PHACTR3: variants seen among roughly 807,000 people sequenced by gnomAD.
PHACTR3 encodes protein phosphatase 1, regulatory subunit 123.
Under a neutral mutation model 66.8 loss-of-function variants are expected in PHACTR3, and 16 were observed. The ratio of observed to expected loss-of-function variants is 0.24; its 90% CI spans 0.16 to 0.36. The LOEUF is 0.36. Among genes scored for constraint, PHACTR3 ranks in the 10% least tolerant of loss-of-function variants. The pLI, the probability that PHACTR3 is intolerant of heterozygous loss-of-function variation, is 1.00. For missense variants in PHACTR3, 647 were observed against 719.9 expected (o/e 0.90, Z 1.16); for synonymous variants, 323 against 292.1 (o/e 1.11, Z -1.08).
chr20:59,591,659 G>A (rs1223298451), intron 1 of PHACTR3, among the ~76,000 whole-genome samples: 3 of 152,082 alleles, frequency 2.0e-5, no homozygotes, highest in Admixed American at 2.0e-4. Flanking sequence ...CTCACCCGTT[G>A]AGACCCATTG....
Position 59,847,218 on chromosome 20 carries a change from G to T in PHACTR3, c.*88G>T. 1 of 969,410 alleles carries T rather than the reference G, an allele frequency of 1.0e-6. No individual in the cohort carries two copies. Among genetic ancestry groups the T allele is most frequent in the South Asian group, 1.5e-5 (1 of 68,742 alleles). 60.1% of individuals were successfully genotyped at this position (969,410 alleles called of 1,614,324 possible). On this transcript the variant is annotated 3_prime_UTR_variant, in exon 13 of 13. Transcript: ENST00000371015. The stretch of plus-strand genomic sequence containing the variant: ...GGAACTTTCCTGAAGTTCAGCTCAA[G>T]ACTACCCTACCTGCTGTGTTTGTGA...
chr20:59,604,826 C>A lies in PHACTR3; in HGVS notation c.-189C>A. The A allele has an allele frequency of 1.6e-6, 2 of 1,212,294 alleles. No homozygotes were observed. Among genetic ancestry groups the A allele is most frequent in the Non-Finnish European group, 2.0e-6 (2 of 976,798 alleles). 75.1% of individuals were successfully genotyped at this position (1,212,294 alleles called of 1,614,324 possible). A position where few individuals can be genotyped will look rare whatever the true frequency, so the allele number is the denominator to read the frequency against. ...GCAGCCGGCGAGGCTATTGTCTCCC[C>A]GCCCTGAAGCCAGCCCCGGCGTCTT... On this transcript the variant is annotated 5_prime_UTR_variant, in exon 1 of 13. Transcript: ENST00000371015.
chr20:59,708,403 GA>G (rs35774941), intron 1 of PHACTR3, among the ~76,000 whole-genome samples: 1 of 152,210 alleles, frequency 6.6e-6, no homozygotes, highest in African/African-American at 2.4e-5. Context: ...ACAGAGGCAG[GA>G]AGGGGGAACA....
At chr20:59,807,844 C>T (rs566600849) in intron 8 of PHACTR3, among the ~76,000 whole-genome samples, 1 of 152,292 alleles carries the variant, frequency 6.6e-6, no homozygotes, top group African/African-American at 2.4e-5. Flanking sequence ...TGCATATATA[C>T]ACATACAGGT....
chr20:59,689,520 G>T (rs1685935948), intron 1 of PHACTR3, among the ~76,000 whole-genome samples: 1 of 152,210 alleles, frequency 6.6e-6, no homozygotes, highest in Admixed American at 6.5e-5. Flanking sequence ...CCGGGTTACA[G>T]GTGCCATCCA....
chr20:59,606,526 G>C (rs2033676523), intron 1 of PHACTR3, among the ~76,000 whole-genome samples: 1 of 152,032 alleles, frequency 6.6e-6, no homozygotes, highest in Non-Finnish European at 1.5e-5. Flanking sequence ...ACTAGGAATG[G>C]GGGATTCAGC....
At chr20:59,716,042 C>T (rs970760325) in intron 1 of PHACTR3, among the ~76,000 whole-genome samples, 1 of 152,084 alleles carries the variant, frequency 6.6e-6, no homozygotes, top group Admixed American at 6.5e-5. Flanking sequence ...ATGCACCTGG[C>T]TGTGAGCTCT....
At chr20:59,682,398 C>G (rs1165959858) in intron 1 of PHACTR3, among the ~76,000 whole-genome samples, 1 of 152,140 alleles carries the variant, frequency 6.6e-6, no homozygotes, top group Non-Finnish European at 1.5e-5. Flanking sequence ...TTAATGGAAC[C>G]AAAGTCTGCG....
At chr20:59,846,373 CAA>C (rs1440322150) in intron 12 of PHACTR3, among the ~76,000 whole-genome samples, 1 of 152,004 alleles carries the variant, frequency 6.6e-6, no homozygotes, top group Non-Finnish European at 1.5e-5. Context: ...AAAAATTATG[CAA>C]AGAGTTTGTT....
At chr20:59,752,352 C>T (rs568556861) in intron 3 of PHACTR3, among the ~76,000 whole-genome samples, 2 of 152,224 alleles carry the variant, frequency 1.3e-5, no homozygotes, top group Non-Finnish European at 2.9e-5. Flanking sequence ...CTGCCCCGCG[C>T]TCCCCTCTGC....
At chr20:59,827,555 C>T (rs957477997) in intron 8 of PHACTR3, among the ~76,000 whole-genome samples, 1 of 152,156 alleles carries the variant, frequency 6.6e-6, no homozygotes, top group African/African-American at 2.4e-5. Context: ...TCTCTCCTTT[C>T]AGTCTCACCA....
At chr20:59,824,800 C>T (rs906412479) in intron 8 of PHACTR3, among the ~76,000 whole-genome samples, 2 of 152,178 alleles carry the variant, frequency 1.3e-5, no homozygotes, top group African/African-American at 4.8e-5. Context: ...GGGAGGGGCT[C>T]TGTCTACACT....
At chr20:59,599,908 C>T (rs1395877893), upstream of PHACTR3, among the ~76,000 whole-genome samples, 1 of 152,046 alleles carries the variant, frequency 6.6e-6, no homozygotes, top group Non-Finnish European at 1.5e-5. Context: ...CCTCCCTTGC[C>T]CCACATGTCC....
Position 59,797,447 on chromosome 20 carries a change from T to C in PHACTR3, c.1175-8594T>C, listed in dbSNP as rs548746849. 3.9e-5 allele frequency among the ~76,000 whole-genome samples: 6 copies of C among 152,312 alleles called. No homozygotes were observed. In the East Asian group the frequency reaches 1.2e-3, roughly 29 times the overall value. Reference sequence around the variant, plus strand: ...GCATTGGTATCTGCACATATTGTGGTACAATCACCTCTTCTAATTTTACAG... The same window carrying C: ...GCATTGGTATCTGCACATATTGTGGCACAATCACCTCTTCTAATTTTACAG... On this transcript the variant is annotated intron_variant, in intron 7 of 12. Coordinates refer to ENST00000371015, the MANE Select transcript of PHACTR3 (RefSeq NM_080672.5).
Position 59,774,265 on chromosome 20 carries a change from G to C in PHACTR3, c.949G>C (p.Gly317Arg), listed in dbSNP as rs1327828089. Residue 317 changes from glycine (G) to arginine (R), a missense_variant, in exon 7 of 13, where the codon GGG becomes CGG. By Grantham distance (125) the Gly-to-Arg change is moderately radical. Around this residue, in one of 2 missense-constraint regions of PHACTR3, gnomAD observed 577 missense variants for 571.1 expected, o/e 1.01. Transcript: ENST00000371015. ...QDSFQGRESK[G>R]SPKKRLDVRL... ...TAGTTTTCAAGGAAGAGAAAGTAAA[G>C]GGTCTCCAAAGAAGCGGCTGGATGT... 6.2e-7 allele frequency: 1 copy of C among 1,600,650 alleles called. No individual in the cohort carries two copies. Among genetic ancestry groups the C allele is most frequent in the Non-Finnish European group, 8.5e-7 (1 of 1,174,574 alleles).
rs2039036048 is a variant in PHACTR3, at chr20:59,738,565, G to A, written c.119-4542G>A. 6.6e-6 allele frequency among the ~76,000 whole-genome samples: 1 copy of A among 152,084 alleles called. No homozygotes were observed. The highest frequency in any genetic ancestry group is 6.5e-5 in the Admixed American group (1 of 15,274). ...CAGGGTCTGATCTGTAGTTTATTCT[G>A]TGTGCTACTCCGTTTTGCCTTGGCT... On this transcript the variant is annotated intron_variant, in intron 1 of 12. Coordinates refer to ENST00000371015, the MANE Select transcript of PHACTR3 (RefSeq NM_080672.5). This position sits in a 1 kb window ranked among gnomAD's most constrained non-coding sequence, Gnocchi z 4.4.
intron 7 of PHACTR3, among the ~76,000 whole-genome samples, chr20:59,798,781 A>T: frequency 6.6e-6 from 1 of 151,474 alleles, no homozygotes; most frequent in African/African-American, 2.4e-5. Context: ...CTGATGAATT[A>T]TTTTCTTTAT....
chr20:59,722,710 G>A (rs1040081901), intron 1 of PHACTR3, among the ~76,000 whole-genome samples: 5 of 152,122 alleles, frequency 3.3e-5, no homozygotes, highest in Admixed American at 2.6e-4. Flanking sequence ...CATCATGCAT[G>A]CCACACATGA....
At chr20:59,770,506 A>C (rs1389301994) in intron 5 of PHACTR3, among the ~76,000 whole-genome samples, 1 of 152,152 alleles carries the variant, frequency 6.6e-6, no homozygotes, top group East Asian at 1.9e-4. Context: ...CAGGTGTCTT[A>C]GTTCATCTGA....
Sources: allele counts gnomAD v4.1 joint callset (sites outside exome capture counted in the v4.1 genomes callset), GRCh38; gene constraint gnomAD v4.1.1; regional missense constraint gnomAD v4.1.1; non-coding constraint Gnocchi (gnomAD v3.1); transcripts MANE v1.5; gene names NCBI Gene and HGNC (gene_info 2026-07-23, HGNC 2026-07-21).